Variants in CADM2 observed in about 807,000 individuals in gnomAD.
CADM2 encodes immunoglobulin superfamily member 4D.
Under a neutral mutation model 49.8 loss-of-function variants are expected in CADM2, and 12 were observed. The ratio of observed to expected loss-of-function variants is 0.24; its 90% CI spans 0.15 to 0.39. The LOEUF is 0.39. Among genes scored for constraint, CADM2 ranks in the 10% least tolerant of loss-of-function variants. The pLI is 1.00. For missense variants in CADM2, 378 were observed against 492.3 expected (o/e 0.77, Z 2.20); for synonymous variants, 214 against 175.4 (o/e 1.22, Z -1.74).
At chr3:85,270,655 T>A (rs2043218963) in intron 1 of CADM2, among the ~76,000 whole-genome samples, 2 of 151,182 alleles carry the variant, frequency 1.3e-5, no homozygotes, top group South Asian at 4.2e-4. Flanking sequence ...TGATTTCCCA[T>A]CAACCCTAAT....
At chr3:85,691,852 A>C (rs1314369865) in intron 1 of CADM2, among the ~76,000 whole-genome samples, 1 of 152,168 alleles carries the variant, frequency 6.6e-6, no homozygotes, top group Non-Finnish European at 1.5e-5. Context: ...GGAAACCATC[A>C]TTCTCAGCAA....
At chr3:85,699,623 T>C (rs772511541) in intron 1 of CADM2, among the ~76,000 whole-genome samples, 12 of 152,198 alleles carry the variant, frequency 7.9e-5, no homozygotes, top group Non-Finnish European at 1.3e-4. Context: ...AAGCTGAAGC[T>C]AGAGCAGCTG....
intron 1 of CADM2, among the ~76,000 whole-genome samples, chr3:85,517,301 A>G (rs962553127): frequency 6.6e-6 from 1 of 152,148 alleles, no homozygotes; most frequent in Non-Finnish European, 1.5e-5. Context: ...AGCTTTAATA[A>G]TAAAAGTTCT....
intron 1 of CADM2, among the ~76,000 whole-genome samples, chr3:85,553,602 C>G (rs928398018): frequency 1.5e-4 from 23 of 152,076 alleles, no homozygotes; most frequent in African/African-American, 5.3e-4. Flanking sequence ...GAGCCGTGGT[C>G]CTCAAGCTTT....
intron 1 of CADM2, among the ~76,000 whole-genome samples, chr3:85,186,177 T>C (rs2041056816): frequency 6.6e-6 from 1 of 152,138 alleles, no homozygotes; most frequent in African/African-American, 2.4e-5. Flanking sequence ...GATCCTTAAG[T>C]CCATTATGAA....
At chr3:85,243,590 C>G (rs1325147766) in intron 1 of CADM2, among the ~76,000 whole-genome samples, 1 of 152,016 alleles carries the variant, frequency 6.6e-6, no homozygotes, top group African/African-American at 2.4e-5. Flanking sequence ...CATGCATTAT[C>G]TCATTTGGTC....
chr3:85,996,708 C>A (rs1333462584), intron 8 of CADM2, among the ~76,000 whole-genome samples: 1 of 152,094 alleles, frequency 6.6e-6, no homozygotes, highest in Admixed American at 6.6e-5. Flanking sequence ...TCTTCTTCAT[C>A]AAATTCAGCA....
intron 1 of CADM2, among the ~76,000 whole-genome samples, chr3:85,518,260 G>A (rs1380716948): frequency 1.3e-5 from 2 of 152,124 alleles, no homozygotes; most frequent in Non-Finnish European, 2.9e-5. Context: ...CAAAGTGCTC[G>A]GATTACAGGC....
At chr3:85,767,443 C>A (rs2069715305) in intron 2 of CADM2, among the ~76,000 whole-genome samples, 3 of 152,096 alleles carry the variant, frequency 2.0e-5, no homozygotes, top group South Asian at 2.1e-4. Flanking sequence ...TTATATGCAA[C>A]CTTGGCTATT....
chr3:85,105,255 A>C (rs1238494085), intron 1 of CADM2, among the ~76,000 whole-genome samples: 13 of 152,184 alleles, frequency 8.5e-5, no homozygotes, highest in Non-Finnish European at 1.8e-4. Flanking sequence ...ACAAGGAAAA[A>C]ACAAACAACC....
intron 3 of CADM2, among the ~76,000 whole-genome samples, chr3:85,833,414 G>C (rs942647118): frequency 2.0e-5 from 3 of 151,682 alleles, no homozygotes; most frequent in African/African-American, 7.3e-5. Flanking sequence ...ATTGGTAACA[G>C]TTCTTCATAC....
chr3:85,581,012 G>A (rs140477263), intron 1 of CADM2, among the ~76,000 whole-genome samples: 24 of 152,078 alleles, frequency 1.6e-4, no homozygotes, highest in Middle Eastern at 7.1e-3. Flanking sequence ...CTAGTATGAC[G>A]TTTGGTTTTT....
At chr3:85,572,537 T>A (rs2062510277) in intron 1 of CADM2, among the ~76,000 whole-genome samples, 1 of 151,994 alleles carries the variant, frequency 6.6e-6, no homozygotes, top group African/African-American at 2.4e-5. Flanking sequence ...AGCTGAGAAA[T>A]CTCATGACGA....
At chr3:85,205,614 AG>A (rs1380270606) in intron 1 of CADM2, among the ~76,000 whole-genome samples, 28 of 152,266 alleles carry the variant, frequency 1.8e-4, no homozygotes, top group African/African-American at 6.0e-4. Flanking sequence ...AAGAGTAAAA[AG>A]TAGCTTATGC....
chr3:85,066,797 G>A (rs1409344352), intron 1 of CADM2, among the ~76,000 whole-genome samples: 1 of 152,088 alleles, frequency 6.6e-6, no homozygotes, highest in Non-Finnish European at 1.5e-5. Context: ...TGCTTTCAAG[G>A]TAAGTCCTGT....
intron 3 of CADM2, among the ~76,000 whole-genome samples, chr3:85,834,947 T>C (rs2074340966): frequency 6.6e-6 from 1 of 151,616 alleles, no homozygotes; most frequent in African/African-American, 2.4e-5. Flanking sequence ...GAAATTAAAA[T>C]TATTGAGTTA....
intron 1 of CADM2, among the ~76,000 whole-genome samples, chr3:85,212,662 T>C (rs1023186929): frequency 6.6e-6 from 1 of 151,948 alleles, no homozygotes; most frequent in Non-Finnish European, 1.5e-5. Flanking sequence ...GAAAAATTGT[T>C]ATAGGTATTT....
intron 1 of CADM2, among the ~76,000 whole-genome samples, chr3:85,272,285 T>C (rs1386571846): frequency 6.6e-6 from 1 of 151,232 alleles, no homozygotes; most frequent in Non-Finnish European, 1.5e-5. Context: ...AAATATGTTA[T>C]GAAAATGCAA....
intron 3 of CADM2, among the ~76,000 whole-genome samples, chr3:85,803,925 A>G (rs1471914163): frequency 6.6e-6 from 1 of 152,178 alleles, no homozygotes; most frequent in Admixed American, 6.5e-5. Context: ...GACAGTTAAT[A>G]TAAAATTTAC....
Sources: gnomAD v4.1 joint callset for allele counts (sites outside exome capture counted in the v4.1 genomes callset) on GRCh38, gnomAD v4.1.1 for gene constraint, MANE v1.5 for transcripts, NCBI Gene and HGNC (gene_info 2026-07-23, HGNC 2026-07-21) for gene names.